Variants in OXR1 observed in about 807,000 individuals in gnomAD.
The protein encoded by OXR1 is oxidation resistance protein 1.
A neutral mutation model predicts 104.6 loss-of-function variants in OXR1; 41 were observed. That is an observed-to-expected ratio of 0.39 (90% CI 0.31 to 0.51). The LOEUF (loss-of-function observed/expected upper bound fraction) is 0.51, where lower values mean the gene tolerates loss of function less well. OXR1 is among the 20% of genes least tolerant of loss of function. The pLI, the probability that OXR1 is intolerant of heterozygous loss-of-function variation, is 0.77. For missense variants in OXR1, 955 were observed against 1,031.9 expected (o/e 0.93, Z 1.02); for synonymous variants, 348 against 348.4 (o/e 1.00, Z 0.01).
At chr8:106,684,479 TG>T in intron 6 of OXR1, 120 bp downstream of exon 6, 1 of 626,496 alleles carries the variant, frequency 1.6e-6, no homozygotes, top group Non-Finnish European at 2.8e-6. Context: ...CTTTTTATTT[TG>T]TTGCTTAAGT....
At chr8:106,512,297 C>G (rs1333188194) in intron 2 of OXR1, among the ~76,000 whole-genome samples, 1 of 152,158 alleles carries the variant, frequency 6.6e-6, no homozygotes, top group African/African-American at 2.4e-5. Context: ...TCAATGTACA[C>G]AGTGGGATAT....
At chr8:106,433,970 T>C (rs1229079961) in intron 2 of OXR1, among the ~76,000 whole-genome samples, 1 of 152,200 alleles carries the variant, frequency 6.6e-6, no homozygotes, top group Non-Finnish European at 1.5e-5. Context: ...GTTTAAATTA[T>C]TTTTTGCTTT....
intron 2 of OXR1, among the ~76,000 whole-genome samples, chr8:106,501,279 A>G (rs1204810220): frequency 6.6e-6 from 1 of 152,196 alleles, no homozygotes; most frequent in Admixed American, 6.5e-5. Context: ...AACTGCCACC[A>G]CGCCTGGCTT....
At chr8:106,606,483 T>TG (rs1310194548) in intron 3 of OXR1, among the ~76,000 whole-genome samples, 2 of 149,476 alleles carry the variant, frequency 1.3e-5, no homozygotes, top group African/African-American at 4.9e-5. Flanking sequence ...TTTTTTTTTT[T>TG]GTATTTTTAC....
At chr8:106,501,671 G>A (rs1170818872) in intron 2 of OXR1, among the ~76,000 whole-genome samples, 1 of 152,162 alleles carries the variant, frequency 6.6e-6, no homozygotes, top group Non-Finnish European at 1.5e-5. Context: ...TGCCTCTGCA[G>A]AACAAAATCC....
At chr8:106,422,046 G>A (rs890734255) in intron 2 of OXR1, among the ~76,000 whole-genome samples, 2 of 152,060 alleles carry the variant, frequency 1.3e-5, no homozygotes, top group South Asian at 2.1e-4. Context: ...TTTTAAGGGG[G>A]TTCATTATCA....
chr8:106,291,040 ACCTAGGTG>A (rs1812728840), intron 1 of OXR1, among the ~76,000 whole-genome samples: 1 of 152,200 alleles, frequency 6.6e-6, no homozygotes. Context: ...CATGGAATCA[ACCTAGGTG>A]CCCATTAGTG....
chr8:106,497,342 G>A (rs530145793), intron 2 of OXR1, among the ~76,000 whole-genome samples: 21 of 152,260 alleles, frequency 1.4e-4, no homozygotes, highest in South Asian at 6.2e-4. Flanking sequence ...AATATGAGTC[G>A]TTGGTAGTTA....
At chr8:106,726,202 T>C in intron 11 of OXR1, 1 of 1,512,732 alleles carries the variant, frequency 6.6e-7, no homozygotes, top group East Asian at 2.5e-5. Context: ...TGAAAACAGT[T>C]CTTACGTGAT....
chr8:106,474,568 T>G (rs888719968), intron 2 of OXR1, among the ~76,000 whole-genome samples: 1 of 151,862 alleles, frequency 6.6e-6, no homozygotes, highest in African/African-American at 2.4e-5. Flanking sequence ...TTGTGACACA[T>G]GAAAACTACA....
At chr8:106,505,638 TTAAAAAA>T (rs1359192894) in intron 2 of OXR1, among the ~76,000 whole-genome samples, 1 of 152,162 alleles carries the variant, frequency 6.6e-6, no homozygotes, top group African/African-American at 2.4e-5. Flanking sequence ...CAGAGGAGAC[TTAAAAAA>T]TAAGAAGCAA....
In OXR1 at chr8:106,693,075, A is replaced by G. The variant is rs569087622; in HGVS notation, c.675+198A>G. ...AGTCTGGTGATCTGTTGTAATTGTT[A>G]AAAGTAATGGAATATAAATAAATTC... is the stretch of plus-strand genomic sequence containing the variant. On this transcript the variant is annotated intron_variant, in intron 7 of 16. Coordinates refer to ENST00000517566, the MANE Select transcript of OXR1 (RefSeq NM_001198533.2). Among the ~76,000 whole-genome samples the G allele has an allele frequency of 6.6e-5, 10 of 152,296 alleles. No individual in the cohort carries two copies. The South Asian group carries it at 2.1e-3, about 32-fold the overall frequency.
At chr8:106,670,267 T>C (rs893504535) in intron 3 of OXR1, among the ~76,000 whole-genome samples, 6 of 152,176 alleles carry the variant, frequency 3.9e-5, no homozygotes, top group Non-Finnish European at 4.4e-5. Context: ...CAACTTCAAA[T>C]TATCAAAATT....
chr8:106,300,037 A>G (rs531376102), intron 1 of OXR1, among the ~76,000 whole-genome samples: 20 of 152,336 alleles, frequency 1.3e-4, no homozygotes, highest in African/African-American at 4.8e-4. Flanking sequence ...AGAGCATATA[A>G]ATGTAAAGCA....
chr8:106,588,045 G>T (rs1266406640), intron 3 of OXR1, among the ~76,000 whole-genome samples: 2 of 151,880 alleles, frequency 1.3e-5, no homozygotes, highest in Non-Finnish European at 2.9e-5. Flanking sequence ...TCCGCCTGTG[G>T]GGTTCACGCC....
intron 2 of OXR1, among the ~76,000 whole-genome samples, chr8:106,383,668 A>G (rs2130421048): frequency 6.6e-6 from 1 of 152,334 alleles, no homozygotes; most frequent in East Asian, 1.9e-4. Flanking sequence ...CCAGCTTCAC[A>G]TAGCTCACAG....
chr8:106,355,892 A>G (rs903935137), intron 1 of OXR1, among the ~76,000 whole-genome samples: 2 of 152,166 alleles, frequency 1.3e-5, no homozygotes, highest in African/African-American at 4.8e-5. Flanking sequence ...AACTTTAAGG[A>G]CTAAAAACAA....
Position 106,713,808 on chromosome 8 carries a change from C to T in OXR1, c.1794-15C>T. The T allele has an allele frequency of 1.4e-6, 2 of 1,479,702 alleles. No homozygotes were observed. Among genetic ancestry groups the T allele is most frequent in the Non-Finnish European group, 1.8e-6 (2 of 1,115,006 alleles). The allele number at this position is 1,479,702 out of a possible 1,614,324, so 91.7% of individuals were successfully genotyped here. On this transcript the variant is annotated splice_polypyrimidine_tract_variant and intron_variant, in intron 10 of 16. Coordinates refer to ENST00000517566, the MANE Select transcript of OXR1 (RefSeq NM_001198533.2). ...ACAGAATACTAGGTATATTAATAGT[C>T]ACTTCTCCTAACAGGACAGATCACT...
At chr8:106,470,624 A>G (rs1821439220) in intron 2 of OXR1, among the ~76,000 whole-genome samples, 1 of 151,754 alleles carries the variant, frequency 6.6e-6, no homozygotes, top group Non-Finnish European at 1.5e-5. Flanking sequence ...AAGTTTGGAA[A>G]TTGTTTGCAT....
Sources: gnomAD v4.1 joint callset for allele counts (sites outside exome capture counted in the v4.1 genomes callset) on GRCh38, gnomAD v4.1.1 for gene constraint, MANE v1.5 for transcripts, NCBI Gene and HGNC (gene_info 2026-07-23, HGNC 2026-07-21) for gene names.